Variants in IRAK1BP1 observed in about 807,000 individuals in gnomAD.
IRAK1BP1 encodes the protein interleukin-1 receptor-associated kinase 1-binding protein 1.
Under a neutral mutation model 28.0 loss-of-function variants are expected in IRAK1BP1, and 24 were observed. That is an observed-to-expected ratio of 0.86 (90% confidence interval 0.62 to 1.20). The LOEUF is 1.20. IRAK1BP1 is among the 50% of genes most tolerant of loss of function. The pLI is 0.00. For synonymous variants in IRAK1BP1, 131 were observed against 116.3 expected, an observed-to-expected ratio of 1.13 and a Z score of -0.81; for missense variants, 336 against 316.7, an observed-to-expected ratio of 1.06 and a Z score of -0.46.
At chr6:78,875,106 A>C (rs1309261750) in intron 1 of IRAK1BP1, among the ~76,000 whole-genome samples, 5 of 152,220 alleles carry the variant, frequency 3.3e-5, no homozygotes, top group Non-Finnish European at 5.9e-5. Flanking sequence ...GAAACCATAC[A>C]AGCAGCCAGC....
At chr6:78,968,471 G>A in the IRAK1BP1 span, among the ~76,000 whole-genome samples, 3 of 152,202 alleles carry the variant, frequency 2.0e-5, no homozygotes, top group African/African-American at 7.2e-5. Context: ...GAATATGGAA[G>A]GGCCAACTTT....
At chr6:78,877,904 G>A (rs1771065472) in intron 1 of IRAK1BP1, among the ~76,000 whole-genome samples, 3 of 152,098 alleles carry the variant, frequency 2.0e-5, no homozygotes, top group African/African-American at 7.2e-5. Context: ...TAGCACAGCA[G>A]TCTGATATCG....
the IRAK1BP1 span, chr6:78,958,670 A>G: frequency 2.2e-6 from 2 of 920,816 alleles, no homozygotes; most frequent in Non-Finnish European, 3.5e-6. Flanking sequence ...ATTTAAAACC[A>G]AGACATTCCA....
chr6:78,893,399 A>G (rs1395993606), intron 2 of IRAK1BP1, among the ~76,000 whole-genome samples: 3 of 149,558 alleles, frequency 2.0e-5, no homozygotes, highest in Non-Finnish European at 4.4e-5. Context: ...GCTGAAAAAC[A>G]AAGACCAATT....
intron 4 of IRAK1BP1, among the ~76,000 whole-genome samples, chr6:78,934,550 T>G (rs1562104525): frequency 6.6e-6 from 1 of 152,104 alleles, no homozygotes; most frequent in African/African-American, 2.4e-5. Flanking sequence ...ACCTCACACT[T>G]AACAACAATC....
At chr6:78,893,314 GTATATATATATATATATATATATATA>G (rs60728695) in intron 2 of IRAK1BP1, among the ~76,000 whole-genome samples, 3 of 103,432 alleles carry the variant, frequency 2.9e-5, no homozygotes, top group African/African-American at 6.8e-5. Context: ...GTGTGTGTGT[GTATATATATATATATATATATATATA>G]TATATATATC....
intron 4 of IRAK1BP1, chr6:78,935,520 C>T (rs764689514): frequency 8.6e-5 from 84 of 977,164 alleles, no homozygotes; most frequent in East Asian, 1.1e-4. Flanking sequence ...GTATCTCTTA[C>T]GAAAGTATCT....
At chr6:78,911,751 T>C (rs763415427) in intron 4 of IRAK1BP1, among the ~76,000 whole-genome samples, 1 of 152,182 alleles carries the variant, frequency 6.6e-6, no homozygotes, top group Non-Finnish European at 1.5e-5. Context: ...CTGGGTTAAG[T>C]AGATGTTATG....
chr6:78,955,723 T>C, the IRAK1BP1 span: 4 of 688,544 alleles, frequency 5.8e-6, no homozygotes, highest in Non-Finnish European at 1.0e-5. Context: ...ATTAGAACCA[T>C]GATAATTTTT....
chr6:78,973,624 A>G, the IRAK1BP1 span, among the ~76,000 whole-genome samples: 2,132 of 133,428 alleles, frequency 0.016, 64 homozygotes, highest in African/African-American at 0.059. Context: ...TGCTGTATTC[A>G]GGAAACCCAT....
At chr6:78,871,147 A>G in intron 1 of IRAK1BP1, 1 of 444,052 alleles carries the variant, frequency 2.3e-6, no homozygotes, top group Non-Finnish European at 3.0e-6. Context: ...TCAAGGAGCC[A>G]GTAGATTTGG....
intron 1 of IRAK1BP1, among the ~76,000 whole-genome samples, chr6:78,876,141 T>G (rs1031997565): frequency 1.3e-5 from 2 of 152,154 alleles, no homozygotes; most frequent in Non-Finnish European, 1.5e-5. Context: ...TGGGGGCAGT[T>G]TCCTCCGTGC....
chr6:78,897,181 A>T (rs917290829), intron 2 of IRAK1BP1, among the ~76,000 whole-genome samples: 11 of 143,530 alleles, frequency 7.7e-5, no homozygotes, highest in Admixed American at 3.6e-4. Flanking sequence ...TGAACCCAGG[A>T]GTTTGAGGCT....
At chr6:78,972,960 A>T in the IRAK1BP1 span, among the ~76,000 whole-genome samples, 11 of 146,716 alleles carry the variant, frequency 7.5e-5, no homozygotes, top group Middle Eastern at 0.014. Flanking sequence ...ACTGCAGGAT[A>T]TTATCCACGA....
At chr6:78,898,035 A>G in intron 3 of IRAK1BP1, 29 bp from the exon 4 acceptor site, 1 of 1,604,604 alleles carries the variant, frequency 6.2e-7, no homozygotes, top group South Asian at 1.1e-5. Flanking sequence ...TGAGTGTCAT[A>G]TTAATAATCT....
In IRAK1BP1 at chr6:78,898,448, T is replaced by C. The variant is rs571805791; in HGVS notation, c.*114T>C. ...TATATATATATATATATATATATGG[T>C]ATAGGAGATAAGCTATTTCTTTCCA... On this transcript the variant is annotated 3_prime_UTR_variant, in exon 4 of 4. Coordinates refer to ENST00000369940, the MANE Select transcript of IRAK1BP1 (RefSeq NM_001010844.4). 395 of 61,402 alleles carry C rather than the reference T, an allele frequency of 6.4e-3. 7 individuals carry two copies. Among genetic ancestry groups the C allele is most frequent in the African/African-American group, 0.035 (370 of 10,488 alleles). 3.8% of individuals were successfully genotyped at this position (61,402 alleles called of 1,614,324 possible).
At chr6:78,947,440 C>T (rs180803736), downstream of IRAK1BP1, among the ~76,000 whole-genome samples, 3 of 152,260 alleles carry the variant, frequency 2.0e-5, no homozygotes, top group Admixed American at 2.0e-4. Flanking sequence ...TCAAAGATAA[C>T]ATCAATGTTA....
rs530786670 is a variant in IRAK1BP1 at position 78,913,383 on chromosome 6, C to T, written c.*67+10273C>T. ...TACTGGGGCCGGGCGCAGTGGCTCACGCCTGTAATCCCAACATTTTGGGAG... is the reference window on the plus strand; with the variant it reads ...TACTGGGGCCGGGCGCAGTGGCTCATGCCTGTAATCCCAACATTTTGGGAG... On this transcript the variant is annotated intron_variant and NMD_transcript_variant, in intron 4 of 4. Transcript: ENST00000606868. 3.9e-5 allele frequency among the ~76,000 whole-genome samples: 6 copies of T among 151,900 alleles called. No individual in the cohort carries two copies. The East Asian group carries it at 5.8e-4, about 15-fold the overall frequency.
Position 78,898,514 on chromosome 6 carries a change from T to G in IRAK1BP1, c.*180T>G, listed in dbSNP as rs537751713. The G allele has an allele frequency of 6.6e-6, 1 of 151,108 alleles. No homozygotes were observed. The highest frequency in any genetic ancestry group is 1.4e-5 in the Non-Finnish European group (1 of 71,238). 9.4% of individuals were successfully genotyped at this position (151,108 alleles called of 1,614,324 possible). ...TGAATATAGTCCCACAGAATACTTA[T>G]GTTCACTTTCTATTTTTAAAAGACT... On this transcript the variant is annotated 3_prime_UTR_variant, in exon 4 of 4. Coordinates refer to ENST00000369940, the MANE Select transcript of IRAK1BP1 (RefSeq NM_001010844.4).
Sources: allele counts gnomAD v4.1 joint callset (sites outside exome capture counted in the v4.1 genomes callset), GRCh38; gene constraint gnomAD v4.1.1; transcripts MANE v1.5; gene names NCBI Gene and HGNC (gene_info 2026-07-23, HGNC 2026-07-21).